The following ADGRL2 variants were observed in gnomAD, a reference collection of about 807,000 sequenced individuals.
The protein encoded by ADGRL2 is calcium-independent alpha-latrotoxin receptor 2.
Under a neutral mutation model 157.4 loss-of-function variants are expected in ADGRL2, and 44 were observed. The ratio of observed to expected loss-of-function variants is 0.28; its 90% CI spans 0.22 to 0.36. The LOEUF (loss-of-function observed/expected upper bound fraction) is 0.36, where lower values mean the gene tolerates loss of function less well. Ranked by LOEUF, ADGRL2 falls within the 10% of genes least tolerant of loss-of-function variation. ADGRL2 has a pLI of 1.00. For missense variants in ADGRL2, 1,510 were observed against 1,768.9 expected, an observed-to-expected ratio of 0.85 and a Z score of 2.63; for synonymous variants, 585 against 624.7, an observed-to-expected ratio of 0.94 and a Z score of 0.95.
intron 2 of ADGRL2, among the ~76,000 whole-genome samples, chr1:81,477,470 C>T (rs1235430871): frequency 6.6e-6 from 1 of 152,210 alleles, no homozygotes; most frequent in Non-Finnish European, 1.5e-5. Context: ...CAAATAACTT[C>T]TTAAGAGACA....
At chr1:81,957,786 A>G (rs1654031481) in intron 11 of ADGRL2, among the ~76,000 whole-genome samples, 1 of 152,180 alleles carries the variant, frequency 6.6e-6, no homozygotes. Context: ...TTTAATTAAA[A>G]AACACTATGG....
chr1:81,935,069 T>C (rs2095290161), intron 3 of ADGRL2, among the ~76,000 whole-genome samples: 1 of 151,948 alleles, frequency 6.6e-6, no homozygotes, highest in Non-Finnish European at 1.5e-5. Flanking sequence ...TATTGACCTA[T>C]TGAGAAACTG....
intron 3 of ADGRL2, among the ~76,000 whole-genome samples, chr1:81,670,298 T>A (rs752357620): frequency 1.2e-4 from 19 of 152,152 alleles, no homozygotes; most frequent in Non-Finnish European, 5.9e-5. Context: ...CGTTATGGAG[T>A]GTGACTCTTC....
At chr1:81,391,471 A>C (rs2076556679) in intron 1 of ADGRL2, among the ~76,000 whole-genome samples, 1 of 152,306 alleles carries the variant, frequency 6.6e-6, no homozygotes, top group Non-Finnish European at 1.5e-5. Flanking sequence ...AAACAAAGAG[A>C]ATTTGGCAAA....
intron 2 of ADGRL2, among the ~76,000 whole-genome samples, chr1:81,524,399 C>G (rs940935131): frequency 1.3e-5 from 2 of 151,934 alleles, no homozygotes; most frequent in Non-Finnish European, 2.9e-5. Flanking sequence ...TACAAACATA[C>G]AAATCTTCTG....
At chr1:81,527,965 GC>G (rs1570395191) in intron 2 of ADGRL2, among the ~76,000 whole-genome samples, 2 of 151,830 alleles carry the variant, frequency 1.3e-5, no homozygotes, top group East Asian at 3.9e-4. Flanking sequence ...TACTCGGGGG[GC>G]TGAGGCAGGA....
chr1:81,991,253 C>T lies in ADGRL2; in HGVS notation c.*108C>T, dbSNP rs1572557484. ...TCTGCTTGAAGAGATGACTCTTGAC[C>T]TGTGGTTCTCTGGTGTAAAAAAGAT... On this transcript the variant is annotated 3_prime_UTR_variant, in exon 24 of 24. Coordinates refer to ENST00000686636, the MANE Select transcript of ADGRL2 (RefSeq NM_001366006.2). The T allele has an allele frequency of 3.0e-6, 3 of 989,500 alleles. No homozygotes were observed. Among genetic ancestry groups the T allele is most frequent in the Admixed American group, 2.3e-5 (1 of 42,624 alleles). 61.3% of individuals were successfully genotyped at this position (989,500 alleles called of 1,614,324 possible). A position where few individuals can be genotyped will look rare whatever the true frequency, so the allele number is the denominator to read the frequency against.
chr1:81,409,009 C>T (rs780873468), intron 1 of ADGRL2, among the ~76,000 whole-genome samples: 1 of 152,116 alleles, frequency 6.6e-6, no homozygotes, highest in Admixed American at 6.5e-5. Context: ...ACTCAACTGC[C>T]AAAATTTTTC....
intron 3 of ADGRL2, among the ~76,000 whole-genome samples, chr1:81,634,923 C>T (rs1045826547): frequency 6.6e-6 from 1 of 152,184 alleles, no homozygotes; most frequent in East Asian, 1.9e-4. Flanking sequence ...GACAGTTTCT[C>T]ATCTTTAGCA....
chr1:81,694,296 A>G (rs2083400229), intron 3 of ADGRL2, among the ~76,000 whole-genome samples: 1 of 152,124 alleles, frequency 6.6e-6, no homozygotes. Flanking sequence ...TGGTTCAATT[A>G]TTTGCTAGCA....
intron 1 of ADGRL2, among the ~76,000 whole-genome samples, chr1:81,727,901 A>T (rs1047416235): frequency 6.6e-6 from 1 of 152,138 alleles, no homozygotes; most frequent in Admixed American, 6.5e-5. Flanking sequence ...TTAGGAAATT[A>T]CAAGTTCCAT....
intron 2 of ADGRL2, among the ~76,000 whole-genome samples, chr1:81,766,456 T>C (rs2086122186): frequency 6.6e-6 from 1 of 152,214 alleles, no homozygotes; most frequent in South Asian, 2.1e-4. Context: ...TTGTATTACA[T>C]AGTTTAGAAG....
At chr1:81,872,078 G>A (rs1333170089) in intron 2 of ADGRL2, among the ~76,000 whole-genome samples, 2 of 152,172 alleles carry the variant, frequency 1.3e-5, no homozygotes, top group Non-Finnish European at 2.9e-5. Context: ...TGACATTTAA[G>A]TCTTTAATCC....
intron 1 of ADGRL2, among the ~76,000 whole-genome samples, chr1:81,334,247 G>A (rs1194442925): frequency 6.6e-6 from 1 of 152,018 alleles, no homozygotes; most frequent in Non-Finnish European, 1.5e-5. Context: ...CCATATCTTG[G>A]TTCCTCTTCT....
intron 2 of ADGRL2, among the ~76,000 whole-genome samples, chr1:81,480,784 T>C (rs976644048): frequency 6.6e-6 from 1 of 152,148 alleles, no homozygotes; most frequent in Non-Finnish European, 1.5e-5. Context: ...GAAACTGAAG[T>C]GCAAAAAGGC....
intron 1 of ADGRL2, among the ~76,000 whole-genome samples, chr1:81,420,795 A>G (rs2077110393): frequency 6.6e-6 from 1 of 152,146 alleles, no homozygotes; most frequent in Non-Finnish European, 1.5e-5. Context: ...TGGGAAGTTC[A>G]ATATTATTCC....
chr1:81,649,204 G>T (rs1267838580), intron 3 of ADGRL2, among the ~76,000 whole-genome samples: 1 of 152,058 alleles, frequency 6.6e-6, no homozygotes, highest in Non-Finnish European at 1.5e-5. Flanking sequence ...CCAGTCAAAG[G>T]TATTCCGCCT....
chr1:81,834,989 A>G (rs1375036112), intron 1 of ADGRL2, among the ~76,000 whole-genome samples: 2 of 152,114 alleles, frequency 1.3e-5, no homozygotes, highest in Non-Finnish European at 2.9e-5. Context: ...CCCTTCACGA[A>G]CAGAGGTTTT....
chr1:81,617,341 C>A (rs962915980), intron 3 of ADGRL2, among the ~76,000 whole-genome samples: 1 of 152,220 alleles, frequency 6.6e-6, no homozygotes, highest in African/African-American at 2.4e-5. Context: ...CCCCACCCTT[C>A]CTACCTCCAC....
Sources: gnomAD v4.1 joint callset for allele counts (sites outside exome capture counted in the v4.1 genomes callset) on GRCh38, gnomAD v4.1.1 for gene constraint, MANE v1.5 for transcripts, NCBI Gene and HGNC (gene_info 2026-07-23, HGNC 2026-07-21) for gene names.